Variants in PKM observed in about 807,000 individuals in gnomAD.
The protein encoded by PKM is pyruvate kinase PKM.
Under a neutral mutation model 49.8 loss-of-function variants are expected in PKM, and 18 were observed. The ratio of observed to expected loss-of-function variants is 0.36; its 90% CI spans 0.25 to 0.54. PKM has a LOEUF of 0.54. Ranked by LOEUF, PKM falls within the 20% of genes least tolerant of loss-of-function variation. The probability of loss-of-function intolerance (pLI) is 0.89; values close to 1 mark genes in which losing one functional copy is unlikely to be tolerated. For missense variants in PKM, 508 were observed against 713.8 expected, an observed-to-expected ratio of 0.71 and a Z score of 3.28; for synonymous variants, 239 against 261.8, an observed-to-expected ratio of 0.91 and a Z score of 0.84.
Position 72,199,529 on chromosome 15 carries a change from G to T in PKM, c.*121C>A. On this transcript the variant is annotated 3_prime_UTR_variant, in exon 11 of 11. Transcript: ENST00000335181. ...AGTGAGGCGTTGATCTTCTTCCCTG[G>T]TGTCCCAACCTACCAGTGCCACGTT... The T allele has an allele frequency of 1.3e-6, 1 of 743,722 alleles. No individual in the cohort carries two copies. The highest frequency in any genetic ancestry group is 2.4e-6 in the Non-Finnish European group (1 of 408,576). 46.1% of individuals were successfully genotyped at this position (743,722 alleles called of 1,614,324 possible).
At chr15:72,227,744 CAAAAAAAAAAA>C (rs34876633) in intron 1 of PKM, among the ~76,000 whole-genome samples, 1 of 10,796 alleles carries the variant, frequency 9.3e-5, no homozygotes, top group African/African-American at 3.0e-4. Context: ...AAAACTATCT[CAAAAAAAAAAA>C]AAAAAAAAAA....
In PKM at chr15:72,219,016, C is replaced by T. The variant is rs11558360; in HGVS notation, c.82G>A (p.Glu28Lys). The change falls in exon 2 of 11, where the codon GAG becomes AAG. Residue 28 changes from glutamate (E) to lysine (K), a missense_variant. Coordinates refer to ENST00000335181, the MANE Select transcript of PKM (RefSeq NM_002654.6). ...LHAAMADTFL[E>K]HMCRLDIDSP... ...TCAATGTCCAGGCGGCACATGTGCT[C>T]CAGGAATGTGTCAGCCATGGCTGCG... The T allele has an allele frequency of 6.2e-7, 1 of 1,614,162 alleles. No individual in the cohort carries two copies. The highest frequency in any genetic ancestry group is 1.7e-5 in the Admixed American group (1 of 60,026).
intron 1 of PKM, chr15:72,221,109 T>G: frequency 5.3e-6 from 5 of 946,688 alleles, no homozygotes; most frequent in African/African-American, 1.6e-5. Context: ...TTCTTAGACC[T>G]GAGATATGAG....
intron 8 of PKM, among the ~76,000 whole-genome samples, chr15:72,205,512 TG>T (rs1476484787): frequency 1.3e-5 from 2 of 152,128 alleles, no homozygotes; most frequent in Non-Finnish European, 2.9e-5. Flanking sequence ...AGTTCGCTAC[TG>T]AAAGAGCATT....
chr15:72,209,916 C>A, intron 4 of PKM, 57 bp from the exon 5 acceptor site: 1 of 1,411,600 alleles, frequency 7.1e-7, no homozygotes, highest in East Asian at 2.3e-5. Context: ...GCAGCATCAC[C>A]TCAGAAGGAA....
At chr15:72,209,423 A>ATATG (rs1343175351) in intron 5 of PKM, 4 of 22,278 alleles carry the variant, frequency 1.8e-4, no homozygotes, top group Admixed American at 4.3e-4. Context: ...ATATATATAT[A>ATATG]TATATATATA....
chr15:72,229,464 C>T, intron 1 of PKM: 7 of 787,970 alleles, frequency 8.9e-6, no homozygotes, highest in South Asian at 7.2e-5. Flanking sequence ...CCTTCACTGT[C>T]GGCCTCACTT....
chr15:72,225,149 G>T (rs1043537335), intron 1 of PKM, among the ~76,000 whole-genome samples: 6 of 148,644 alleles, frequency 4.0e-5, no homozygotes, highest in Admixed American at 6.7e-5. Context: ...TGTTAGCCAG[G>T]ATGGTCTCAA....
chr15:72,227,750 AAAAAAAAAAAAAAAAAAAAAAAAAC>A (rs1399778227), intron 1 of PKM, among the ~76,000 whole-genome samples: 6 of 106,118 alleles, frequency 5.7e-5, no homozygotes, highest in Non-Finnish European at 7.9e-5. Context: ...ATCTCAAAAA[AAAAAAAAAAAAAAAAAAAAAAAAAC>A]AAAAAACTGA....
rs764912493 is a variant in PKM, at chr15:72,199,552, G to A, written c.*98C>T. 1.2e-5 allele frequency: 10 copies of A among 840,738 alleles called. No homozygotes were observed. The highest frequency in any genetic ancestry group is 9.6e-5 in the Admixed American group (5 of 52,242). 52.1% of individuals were successfully genotyped at this position (840,738 alleles called of 1,614,324 possible). ...TGGTGTCCCAACCTACCAGTGCCAC[G>A]TTACAGCCCAGAGTGAGTTCTACAA... On this transcript the variant is annotated 3_prime_UTR_variant, in exon 11 of 11. Coordinates refer to ENST00000335181, the MANE Select transcript of PKM (RefSeq NM_002654.6).
In PKM at chr15:72,199,507, G is replaced by A. The variant is rs2140571535; in HGVS notation, c.*143C>T. On this transcript the variant is annotated 3_prime_UTR_variant, in exon 11 of 11. Coordinates refer to ENST00000335181, the MANE Select transcript of PKM (RefSeq NM_002654.6). ...GCTGCAAACACAGCCATGTTTCAGT[G>A]AGGCGTTGATCTTCTTCCCTGGTGT... The A allele has an allele frequency of 5.6e-6, 4 of 719,334 alleles. No individual in the cohort carries two copies. The highest frequency in any genetic ancestry group is 1.0e-5 in the Non-Finnish European group (4 of 390,584). The allele number at this position is 719,334 out of a possible 1,614,324, so 44.6% of individuals were successfully genotyped here.
intron 5 of PKM, 54 bp from the exon 6 acceptor site, chr15:72,208,945 G>A (rs2082160240): frequency 1.9e-6 from 3 of 1,569,706 alleles, no homozygotes. Flanking sequence ...CAGGTCAACA[G>A]GAAGCAGGCA....
rs1160746296 is a variant in PKM, at chr15:72,229,770, C to T, written c.-14+1346G>A. 2.9e-6 allele frequency: 3 copies of T among 1,040,188 alleles called. No individual in the cohort carries two copies. The African/African-American group carries it at 4.9e-5, about 17-fold the overall frequency. 64.4% of individuals were successfully genotyped at this position (1,040,188 alleles called of 1,614,324 possible). On this transcript the variant is annotated intron_variant, in intron 1 of 10. Coordinates refer to ENST00000335181, the MANE Select transcript of PKM (RefSeq NM_002654.6). The stretch of plus-strand genomic sequence containing the variant: ...CATCCTGGTCTCTAACTCTGACCCC[C>T]AAACAGCCCTTGACCCACACCGTTT...
At chr15:72,226,030 T>A (rs2082658884) in intron 1 of PKM, among the ~76,000 whole-genome samples, 1 of 152,202 alleles carries the variant, frequency 6.6e-6, no homozygotes, top group South Asian at 2.1e-4. Context: ...TGACATTTGT[T>A]TTTCTGCTCA....
chr15:72,219,308 G>C (rs946653376), intron 1 of PKM, 198 bp from the exon 2 acceptor site: 1 of 565,416 alleles, frequency 1.8e-6, no homozygotes. Context: ...GTGAACAATG[G>C]AAAGGACCTT....
intron 3 of PKM, among the ~76,000 whole-genome samples, chr15:72,213,307 G>A (rs2082300532): frequency 1.3e-5 from 2 of 152,252 alleles, no homozygotes; most frequent in South Asian, 2.1e-4. Context: ...CAGTATCAGC[G>A]TATATTGGTT....
intron 1 of PKM, among the ~76,000 whole-genome samples, chr15:72,223,244 C>T (rs2082574800): frequency 6.6e-6 from 1 of 152,138 alleles, no homozygotes; most frequent in Non-Finnish European, 1.5e-5. Flanking sequence ...ACGCTTCACT[C>T]CACCAATTCT....
chr15:72,230,209 AG>A (rs1470482070), intron 1 of PKM, among the ~76,000 whole-genome samples: 1 of 152,182 alleles, frequency 6.6e-6, no homozygotes, highest in Non-Finnish European at 1.5e-5. Context: ...TCCCGGCCAC[AG>A]GGGACGGCAC....
At chr15:72,229,698 A>T in intron 1 of PKM, 2 of 1,225,086 alleles carry the variant, frequency 1.6e-6, no homozygotes, top group Non-Finnish European at 2.1e-6. Flanking sequence ...GCATTACAGG[A>T]GATACATTTT....
Sources: allele counts gnomAD v4.1 joint callset (sites outside exome capture counted in the v4.1 genomes callset), GRCh38; gene constraint gnomAD v4.1.1; transcripts MANE v1.5; gene names NCBI Gene and HGNC (gene_info 2026-07-23, HGNC 2026-07-21).